Variants in COLEC12 observed in about 807,000 individuals in gnomAD.
The protein encoded by COLEC12 is collectin-12.
In COLEC12, 33 loss-of-function variants were observed where a neutral mutation model predicts 71.1. That is an observed-to-expected ratio of 0.46 (90% CI 0.35 to 0.62). The LOEUF (loss-of-function observed/expected upper bound fraction) is 0.62, where lower values mean the gene tolerates loss of function less well. Ranked by LOEUF, COLEC12 falls within the 20% of genes least tolerant of loss-of-function variation. The pLI, the probability that COLEC12 is intolerant of heterozygous loss-of-function variation, is 0.00. For missense variants in COLEC12, 765 were observed against 916.1 expected, an observed-to-expected ratio of 0.84 and a Z score of 2.13; for synonymous variants, 350 against 353.0, an observed-to-expected ratio of 0.99 and a Z score of 0.10.
chr18:416,992 A>G (rs1915999225), intron 2 of COLEC12, among the ~76,000 whole-genome samples: 1 of 151,954 alleles, frequency 6.6e-6, no homozygotes, highest in African/African-American at 2.4e-5. Flanking sequence ...GAACTGCAGT[A>G]ATTAGCAATC....
intron 2 of COLEC12, among the ~76,000 whole-genome samples, chr18:464,878 T>C (rs1030481103): frequency 1.3e-5 from 2 of 152,180 alleles, no homozygotes; most frequent in African/African-American, 4.8e-5. Flanking sequence ...CAGAACTTGG[T>C]TGGGGAAGCC....
intron 2 of COLEC12, among the ~76,000 whole-genome samples, chr18:438,635 G>A (rs1916451897): frequency 6.6e-6 from 1 of 151,822 alleles, no homozygotes; most frequent in African/African-American, 2.4e-5. Context: ...AACACAGTGG[G>A]ACCCATTGCT....
At chr18:325,656 T>TTTTTTG (rs1913824305) in intron 8 of COLEC12, among the ~76,000 whole-genome samples, 1 of 89,970 alleles carries the variant, frequency 1.1e-5, no homozygotes, top group Non-Finnish European at 2.4e-5. Flanking sequence ...TTTTTTTTTT[T>TTTTTTG]GAGACAGAGT....
intron 2 of COLEC12, among the ~76,000 whole-genome samples, chr18:474,213 T>C (rs912958480): frequency 2.6e-5 from 4 of 152,202 alleles, no homozygotes; most frequent in African/African-American, 7.2e-5. Context: ...AACTCCAACA[T>C]TGGCCATGCT....
At chr18:389,568 C>G (rs754692064) in intron 2 of COLEC12, among the ~76,000 whole-genome samples, 25 of 150,906 alleles carry the variant, frequency 1.7e-4, no homozygotes, top group Non-Finnish European at 3.0e-4. Flanking sequence ...CATGAGCCAC[C>G]GAGCCCAGCC....
intron 3 of COLEC12, among the ~76,000 whole-genome samples, chr18:349,043 A>C (rs1360996782): frequency 1.3e-5 from 2 of 152,150 alleles, no homozygotes; most frequent in Non-Finnish European, 2.9e-5. Context: ...AGGGGTTTCC[A>C]CTTTTGCATC....
intron 2 of COLEC12, among the ~76,000 whole-genome samples, chr18:462,759 C>T (rs1201266105): frequency 6.6e-6 from 1 of 152,194 alleles, no homozygotes; most frequent in Non-Finnish European, 1.5e-5. Flanking sequence ...ACACCACATG[C>T]ATTTGATCAG....
rs146530534 is a variant in COLEC12 at position 331,166 on chromosome 18, G to T, written c.2063+502C>A. Among the ~76,000 whole-genome samples, 8 of 152,280 alleles carry T rather than the reference G, an allele frequency of 5.3e-5. No individual in the cohort carries two copies. The East Asian group carries it at 1.5e-3, about 29-fold the overall frequency. On this transcript the variant is annotated intron_variant, in intron 8 of 9. Transcript: ENST00000400256. The stretch of plus-strand genomic sequence containing the variant: ...AGCCTCCCAAAGTGCCGGGATTACA[G>T]GCGTGAGCCACTGTGCCCAGCCAGG...
chr18:498,292 C>CA (rs1294532623), intron 1 of COLEC12, among the ~76,000 whole-genome samples: 1 of 151,752 alleles, frequency 6.6e-6, no homozygotes, highest in Non-Finnish European at 1.5e-5. Context: ...CCCCACCACT[C>CA]AGACAAATGT....
chr18:347,313 G>A lies in COLEC12; in HGVS notation c.309C>T (p.Ser103=). The change falls in exon 5 of 10, where the codon AGC becomes AGT. Residue 103 remains serine, a synonymous_variant. Coordinates refer to ENST00000400256, the MANE Select transcript of COLEC12 (RefSeq NM_130386.3). ...TGAAGGTGGAGAGTTCTGAGTTGGTGCTGATAGCTTTCTTCCCAGTTTGGT... is the reference window on the plus strand; with the variant it reads ...TGAAGGTGGAGAGTTCTGAGTTGGTACTGATAGCTTTCTTCCCAGTTTGGT... ...LGDQTGKKAI[S]TNSELSTFRS... is the part of the protein sequence containing the mutation. The A allele has an allele frequency of 6.2e-7, 1 of 1,612,268 alleles. No homozygotes were observed. The highest frequency in any genetic ancestry group is 8.5e-7 in the Non-Finnish European group (1 of 1,178,626).
chr18:418,626 A>G (rs1228776173), intron 2 of COLEC12, among the ~76,000 whole-genome samples: 1 of 152,234 alleles, frequency 6.6e-6, no homozygotes, highest in East Asian at 1.9e-4. Flanking sequence ...GGAGCCGGCC[A>G]AAATCCACCA....
intron 2 of COLEC12, among the ~76,000 whole-genome samples, chr18:445,279 C>T (rs995324161): frequency 6.6e-5 from 10 of 152,274 alleles, no homozygotes; most frequent in Middle Eastern, 3.4e-3. Flanking sequence ...AAATCATTAT[C>T]CATCTCTCCT....
chr18:481,950 G>A (rs1307972553), intron 1 of COLEC12, among the ~76,000 whole-genome samples: 4 of 151,692 alleles, frequency 2.6e-5, no homozygotes, highest in Admixed American at 2.0e-4. Flanking sequence ...GGGGGTACAT[G>A]TGCATGTCTG....
intron 2 of COLEC12, among the ~76,000 whole-genome samples, chr18:462,290 T>C (rs1157475660): frequency 6.6e-6 from 1 of 152,186 alleles, no homozygotes; most frequent in Non-Finnish European, 1.5e-5. Context: ...GCCTACCAAT[T>C]GATGAAAATG....
chr18:320,654 T>C (rs1409264953), intron 9 of COLEC12, among the ~76,000 whole-genome samples: 1 of 152,256 alleles, frequency 6.6e-6, no homozygotes, highest in Non-Finnish European at 1.5e-5. Context: ...GTCTTTGGTA[T>C]AGTCACAAAG....
At chr18:483,047 A>C (rs544432234) in intron 1 of COLEC12, among the ~76,000 whole-genome samples, 2 of 152,358 alleles carry the variant, frequency 1.3e-5, no homozygotes, top group South Asian at 2.1e-4. Flanking sequence ...GATGTATGCT[A>C]TCTATAAACA....
intron 2 of COLEC12, among the ~76,000 whole-genome samples, chr18:364,109 G>C (rs930696991): frequency 1.3e-5 from 2 of 152,138 alleles, no homozygotes; most frequent in Non-Finnish European, 2.9e-5. Context: ...CAAGGGTATA[G>C]TTTGTTTTCA....
At chr18:323,892 G>A (rs1056252962) in intron 8 of COLEC12, among the ~76,000 whole-genome samples, 3 of 152,138 alleles carry the variant, frequency 2.0e-5, no homozygotes, top group African/African-American at 7.2e-5. Flanking sequence ...AAATAAAAAG[G>A]ATGTATCAAC....
intron 2 of COLEC12, among the ~76,000 whole-genome samples, chr18:459,010 T>C (rs984436103): frequency 1.3e-5 from 2 of 152,156 alleles, no homozygotes; most frequent in Non-Finnish European, 2.9e-5. Context: ...AATTTTTTTA[T>C]TTTCTGTAGA....
Sources: gnomAD v4.1 joint callset for allele counts (sites outside exome capture counted in the v4.1 genomes callset) on GRCh38, gnomAD v4.1.1 for gene constraint, MANE v1.5 for transcripts, NCBI Gene and HGNC (gene_info 2026-07-23, HGNC 2026-07-21) for gene names.